ARHGAP26: variants seen among roughly 807,000 people sequenced by gnomAD.
ARHGAP26 encodes Rho GTPase activating protein 26, also known as rho GTPase-activating protein 26.
Under a neutral mutation model 104.8 loss-of-function variants are expected in ARHGAP26, and 38 were observed. The observed-to-expected ratio is 0.36, with a 90% confidence interval of 0.28 to 0.48. The LOEUF (loss-of-function observed/expected upper bound fraction) is 0.48, where lower values mean the gene tolerates loss of function less well. Among genes scored for constraint, ARHGAP26 ranks in the 20% least tolerant of loss-of-function variants. ARHGAP26 has a pLI of 0.99. For missense variants in ARHGAP26, 704 were observed against 947.9 expected (o/e 0.74, Z 3.38); for synonymous variants, 341 against 340.0 (o/e 1.00, Z -0.03).
intron 1 of ARHGAP26, among the ~76,000 whole-genome samples, chr5:142,847,237 G>A (rs1035517926): frequency 6.6e-6 from 1 of 152,098 alleles, no homozygotes; most frequent in Admixed American, 6.6e-5. Context: ...AATAAAAGGT[G>A]GCTATTTTTA....
At chr5:143,105,041 G>C (rs1562433774) in intron 17 of ARHGAP26, among the ~76,000 whole-genome samples, 1 of 151,870 alleles carries the variant, frequency 6.6e-6, no homozygotes, top group South Asian at 2.1e-4. Flanking sequence ...TCCCCCTAAC[G>C]ATAGCACTGA....
chr5:142,793,125 T>C (rs1329416486), intron 1 of ARHGAP26, among the ~76,000 whole-genome samples: 1 of 152,056 alleles, frequency 6.6e-6, no homozygotes, highest in Non-Finnish European at 1.5e-5. Flanking sequence ...ACATGGTGCA[T>C]GACCTGGAGG....
At chr5:143,011,101 C>T (rs537429512) in intron 11 of ARHGAP26, 2 of 152,482 alleles carry the variant, frequency 1.3e-5, no homozygotes, top group African/African-American at 4.8e-5. Flanking sequence ...TCTCCTACCC[C>T]TCTCTGCATT....
In ARHGAP26 at chr5:142,824,933, G is replaced by C. The variant is rs1033343088; in HGVS notation, c.155-48467G>C. The stretch of plus-strand genomic sequence containing the variant: ...TCTGTCCTCTGCTACTACAGGCAGA[G>C]AAGGGAGAAAATGGGCTCTTAACTC... On this transcript the variant is annotated intron_variant, in intron 1 of 22. Coordinates refer to ENST00000645722, the MANE Select transcript of ARHGAP26 (RefSeq NM_001135608.3). 2.6e-5 allele frequency among the ~76,000 whole-genome samples: 4 copies of C among 152,232 alleles called. No homozygotes were observed. In the East Asian group the frequency reaches 7.7e-4, roughly 29 times the overall value.
At chr5:143,001,231 T>G (rs1210002553) in intron 11 of ARHGAP26, among the ~76,000 whole-genome samples, 2 of 152,214 alleles carry the variant, frequency 1.3e-5, no homozygotes, top group African/African-American at 4.8e-5. Flanking sequence ...GAGCTGATGT[T>G]TCTATCTTGA....
chr5:143,221,663 C>T (rs1025320034), intron 22 of ARHGAP26, among the ~76,000 whole-genome samples: 26 of 152,120 alleles, frequency 1.7e-4, no homozygotes, highest in African/African-American at 5.8e-4. Flanking sequence ...GCTGGGACTA[C>T]AGACACGCTC....
chr5:142,781,414 T>C (rs907814331), intron 1 of ARHGAP26, among the ~76,000 whole-genome samples: 2 of 152,244 alleles, frequency 1.3e-5, no homozygotes, highest in African/African-American at 4.8e-5. Context: ...AATCATTACA[T>C]TGAAAAGTAT....
At chr5:142,926,860 C>T (rs1763982971) in intron 10 of ARHGAP26, among the ~76,000 whole-genome samples, 1 of 152,180 alleles carries the variant, frequency 6.6e-6, no homozygotes, top group Non-Finnish European at 1.5e-5. Context: ...CCACCTCTAC[C>T]TGCCCCTGTG....
chr5:143,225,881 C>G lies in ARHGAP26; in HGVS notation c.*3435C>G. 4.4e-6 allele frequency: 1 copy of G among 224,828 alleles called. No homozygotes were observed. Among genetic ancestry groups the G allele is most frequent in the East Asian group, 6.4e-5 (1 of 15,562 alleles). 13.9% of individuals were successfully genotyped at this position (224,828 alleles called of 1,614,324 possible). A position where few individuals can be genotyped will look rare whatever the true frequency, so the allele number is the denominator to read the frequency against. Reference sequence around the variant, plus strand: ...CCCCTCCTTCCTATTAGCTACAAAACTGGATAAACTTCAGAATATGAGCCA... The same window carrying G: ...CCCCTCCTTCCTATTAGCTACAAAAGTGGATAAACTTCAGAATATGAGCCA... On this transcript the variant is annotated 3_prime_UTR_variant, in exon 23 of 23. Coordinates refer to ENST00000645722, the MANE Select transcript of ARHGAP26 (RefSeq NM_001135608.3).
At chr5:142,973,685 G>A (rs1772609871) in intron 11 of ARHGAP26, among the ~76,000 whole-genome samples, 1 of 152,140 alleles carries the variant, frequency 6.6e-6, no homozygotes, top group African/African-American at 2.4e-5. Flanking sequence ...AAATCCATGG[G>A]TGTGGTTTTA....
At chr5:142,798,569 T>C (rs892108224) in intron 1 of ARHGAP26, among the ~76,000 whole-genome samples, 4 of 152,132 alleles carry the variant, frequency 2.6e-5, no homozygotes, top group Non-Finnish European at 5.9e-5. Flanking sequence ...TTTTAGGAAG[T>C]TGTAGATTGC....
At chr5:142,983,130 A>AC (rs1369699660) in intron 11 of ARHGAP26, among the ~76,000 whole-genome samples, 3 of 152,084 alleles carry the variant, frequency 2.0e-5, no homozygotes, top group Non-Finnish European at 4.4e-5. Context: ...TGAAATGGAG[A>AC]CACCTGTATG....
intron 5 of ARHGAP26, among the ~76,000 whole-genome samples, chr5:142,889,514 A>G (rs1758192859): frequency 1.3e-5 from 2 of 152,056 alleles, no homozygotes; most frequent in Non-Finnish European, 2.9e-5. Context: ...GCTACTTGGG[A>G]GGCTGAGGCA....
intron 16 of ARHGAP26, 132 bp downstream of exon 16, chr5:143,056,218 A>T: frequency 1.5e-6 from 1 of 670,014 alleles, no homozygotes; most frequent in East Asian, 2.8e-5. Context: ...TAACATACTC[A>T]TGAGATTCTA....
intron 11 of ARHGAP26, among the ~76,000 whole-genome samples, chr5:142,983,552 A>G (rs1447649191): frequency 6.6e-6 from 1 of 152,242 alleles, no homozygotes; most frequent in Non-Finnish European, 1.5e-5. Context: ...GAAATAGGAA[A>G]AATCCCAAAG....
chr5:143,220,640 G>A (rs1308171862), intron 22 of ARHGAP26, among the ~76,000 whole-genome samples: 1 of 152,170 alleles, frequency 6.6e-6, no homozygotes, highest in Non-Finnish European at 1.5e-5. Context: ...TTCTTCCAAG[G>A]CACTTCTCTC....
At chr5:143,180,519 T>G (rs1341035195) in intron 20 of ARHGAP26, among the ~76,000 whole-genome samples, 3 of 152,330 alleles carry the variant, frequency 2.0e-5, no homozygotes, top group Non-Finnish European at 4.4e-5. Context: ...AAGAAATACC[T>G]GAGACTGGGT....
chr5:142,915,297 T>A lies in ARHGAP26; in HGVS notation c.1028+2004T>A, dbSNP rs539665039. On this transcript the variant is annotated intron_variant, in intron 10 of 22. Transcript: ENST00000645722. ...TCCTGAGTTTCTGTCCCTGGTTCCC[T>A]CTGCATGGCGTGGAGAGATTTCAGT... is the stretch of plus-strand genomic sequence containing the variant. Among the ~76,000 whole-genome samples, 4 of 152,074 alleles carry A rather than the reference T, an allele frequency of 2.6e-5. No homozygotes were observed. In the East Asian group the frequency reaches 5.8e-4, roughly 22 times the overall value.
At chr5:142,813,446 G>A (rs1314105185) in intron 1 of ARHGAP26, among the ~76,000 whole-genome samples, 3 of 151,492 alleles carry the variant, frequency 2.0e-5, no homozygotes, top group Non-Finnish European at 4.4e-5. Flanking sequence ...TTCAAAGAGT[G>A]GGAGGGAACT....
Sources: allele counts gnomAD v4.1 joint callset (sites outside exome capture counted in the v4.1 genomes callset), GRCh38; gene constraint gnomAD v4.1.1; transcripts MANE v1.5; gene names NCBI Gene and HGNC (gene_info 2026-07-23, HGNC 2026-07-21).